The following ATG5 variants were observed in gnomAD, a reference collection of about 807,000 sequenced individuals.
ATG5 encodes the protein autophagy protein 5.
In ATG5, 14 loss-of-function variants were observed where a neutral mutation model predicts 36.5. That is an observed-to-expected ratio of 0.38 (90% CI 0.25 to 0.60). ATG5 has a LOEUF of 0.60. ATG5 is among the 20% of genes least tolerant of loss of function. The pLI, the probability that ATG5 is intolerant of heterozygous loss-of-function variation, is 0.60. For missense variants in ATG5, 195 were observed against 326.7 expected (o/e 0.60, Z 3.11); for synonymous variants, 95 against 101.5 (o/e 0.94, Z 0.38).
intron 5 of ATG5, among the ~76,000 whole-genome samples, chr6:106,257,677 GA>G (rs1778852651): frequency 6.6e-6 from 1 of 152,156 alleles, no homozygotes; most frequent in Non-Finnish European, 1.5e-5. Context: ...TTCTTGTGAG[GA>G]ATCACTCTAG....
chr6:106,264,709 AT>A (rs1779161137), intron 5 of ATG5, among the ~76,000 whole-genome samples: 1 of 152,184 alleles, frequency 6.6e-6, no homozygotes, highest in African/African-American at 2.4e-5. Flanking sequence ...AAAGAAAAGA[AT>A]TTTCAACCCA....
chr6:106,187,333 G>A (rs999886866), intron 7 of ATG5, among the ~76,000 whole-genome samples: 2 of 151,994 alleles, frequency 1.3e-5, no homozygotes, highest in African/African-American at 4.8e-5. Flanking sequence ...ATTAAAAGGG[G>A]GCTGAAATTT....
At position 106,211,316 on chromosome 6, in the gene ATG5, C is replaced by T. The variant is rs535907424; in HGVS notation, c.574-9227G>A. On this transcript the variant is annotated intron_variant, in intron 6 of 7. Transcript: ENST00000369076. ...CACTGGGTTGTAAAACTTAAAATGG[C>T]CTTAATTAAAAGCCAAGCACGGATG... Among the ~76,000 whole-genome samples, 649 of 152,266 alleles carry T rather than the reference C, an allele frequency of 4.3e-3. 5 individuals are homozygous for T. Among genetic ancestry groups the T allele is most frequent in the African/African-American group, 0.015 (617 of 41,546 alleles).
At chr6:106,232,997 C>T (rs1413188367) in intron 6 of ATG5, among the ~76,000 whole-genome samples, 1 of 152,148 alleles carries the variant, frequency 6.6e-6, no homozygotes, top group Non-Finnish European at 1.5e-5. Context: ...GGCATTAGCC[C>T]AAGACTTGAG....
chr6:106,272,914 T>A (rs1384978219), intron 5 of ATG5, among the ~76,000 whole-genome samples: 1 of 152,076 alleles, frequency 6.6e-6, no homozygotes, highest in Non-Finnish European at 1.5e-5. Flanking sequence ...TTCCAAAAAC[T>A]CACACAGACA....
In ATG5 at chr6:106,190,763, T is replaced by C. The variant is rs560661001; in HGVS notation, c.692-4087A>G. 2.0e-5 allele frequency among the ~76,000 whole-genome samples: 3 copies of C among 151,526 alleles called. No homozygotes were observed. The South Asian group carries it at 6.3e-4, about 32-fold the overall frequency. On this transcript the variant is annotated intron_variant, in intron 7 of 7. Transcript: ENST00000369076. Reference sequence around the variant, plus strand: ...ATAGAAAAAAAATAAGAAGAAAAAATAAAAATCACATTAACCACACAAGTC... The same window carrying C: ...ATAGAAAAAAAATAAGAAGAAAAAACAAAAATCACATTAACCACACAAGTC...
At chr6:106,204,455 G>A (rs1319460870) in intron 6 of ATG5, among the ~76,000 whole-genome samples, 1 of 152,058 alleles carries the variant, frequency 6.6e-6, no homozygotes, top group Non-Finnish European at 1.5e-5. Context: ...GAACTCTTTA[G>A]GGATTATTTT....
intron 6 of ATG5, among the ~76,000 whole-genome samples, chr6:106,219,246 C>T (rs192915067): frequency 3.0e-4 from 46 of 152,194 alleles, no homozygotes; most frequent in Non-Finnish European, 4.4e-4. Context: ...TCTTAACATA[C>T]GTCAATTTTC....
chr6:106,252,102 A>C (rs886716229), intron 5 of ATG5, among the ~76,000 whole-genome samples: 20 of 152,210 alleles, frequency 1.3e-4, no homozygotes, highest in Admixed American at 1.3e-3. Context: ...TGGCCTCCCA[A>C]AGTGCTGGAT....
intron 3 of ATG5, among the ~76,000 whole-genome samples, chr6:106,293,731 G>A (rs1026107951): frequency 6.6e-6 from 1 of 152,012 alleles, no homozygotes; most frequent in Admixed American, 6.6e-5. Flanking sequence ...AAAAAAATAA[G>A]TTCCAAAATA....
intron 6 of ATG5, among the ~76,000 whole-genome samples, chr6:106,209,872 C>T (rs1287057998): frequency 6.6e-6 from 1 of 152,114 alleles, no homozygotes; most frequent in African/African-American, 2.4e-5. Flanking sequence ...AATTTCAAAA[C>T]AACTAGTCTA....
chr6:106,309,833 T>A (rs2763216), intron 2 of ATG5, among the ~76,000 whole-genome samples: 17,776 of 152,106 alleles, frequency 0.12, 1,123 homozygotes, highest in African/African-American at 0.17. Context: ...TAAGGTCTCT[T>A]TTAGCAAACC....
intron 2 of ATG5, among the ~76,000 whole-genome samples, chr6:106,315,234 A>C (rs764737182): frequency 1.3e-5 from 2 of 152,260 alleles, no homozygotes; most frequent in Non-Finnish European, 2.9e-5. Flanking sequence ...ACTTCATTAA[A>C]GTGAAACAGA....
At chr6:106,204,668 A>G (rs1037819678) in intron 6 of ATG5, among the ~76,000 whole-genome samples, 81 of 152,198 alleles carry the variant, frequency 5.3e-4, no homozygotes, top group African/African-American at 1.4e-3. Context: ...GATGGTTTTA[A>G]AAGTGGCAGT....
chr6:106,228,614 C>T (rs774223829), intron 6 of ATG5, among the ~76,000 whole-genome samples: 335 of 152,266 alleles, frequency 2.2e-3, no homozygotes, highest in Non-Finnish European at 3.9e-3. Context: ...CTTCGGAGTT[C>T]TGGGAGCAAG....
At chr6:106,186,784 T>C in intron 7 of ATG5, 108 bp from the exon 8 acceptor site, 1 of 1,291,222 alleles carries the variant, frequency 7.7e-7, no homozygotes, top group Non-Finnish European at 1.1e-6. Context: ...TTTAAACATG[T>C]TTTGTCCCCT....
At chr6:106,194,470 T>A (rs1324183085) in intron 7 of ATG5, among the ~76,000 whole-genome samples, 6 of 152,202 alleles carry the variant, frequency 3.9e-5, no homozygotes, top group Non-Finnish European at 4.4e-5. Flanking sequence ...ATTCACTTTA[T>A]TAACATAATC....
At chr6:106,309,440 G>C (rs1770566289) in intron 2 of ATG5, among the ~76,000 whole-genome samples, 1 of 152,100 alleles carries the variant, frequency 6.6e-6, no homozygotes, top group Non-Finnish European at 1.5e-5. Flanking sequence ...ACAGGGGTAT[G>C]GGAGGGAGAT....
chr6:106,207,697 T>TTA (rs1009021190), intron 6 of ATG5, among the ~76,000 whole-genome samples: 6 of 152,202 alleles, frequency 3.9e-5, no homozygotes, highest in African/African-American at 1.4e-4. Flanking sequence ...GTATGGACTT[T>TTA]AAGAGTAACA....
Sources: gnomAD v4.1 joint callset for allele counts (sites outside exome capture counted in the v4.1 genomes callset) on GRCh38, gnomAD v4.1.1 for gene constraint, MANE v1.5 for transcripts, NCBI Gene and HGNC (gene_info 2026-07-23, HGNC 2026-07-21) for gene names.